The following PCYT1B variants were observed in gnomAD, a reference collection of about 807,000 sequenced individuals.
The protein encoded by PCYT1B is choline-phosphate cytidylyltransferase B.
A neutral mutation model predicts 26.4 loss-of-function variants in PCYT1B; 10 were observed. The observed-to-expected ratio is 0.38, with a 90% CI of 0.23 to 0.64. PCYT1B has a LOEUF of 0.64. PCYT1B is among the 30% of genes least tolerant of loss of function. The pLI is 0.56. For synonymous variants in PCYT1B, 131 were observed against 108.4 expected (o/e 1.21, Z -1.29); for missense variants, 161 against 292.7 (o/e 0.55, Z 3.28).
rs116533442 is a variant in PCYT1B, at chrX:24,637,182, T to C, written c.117+9807A>G. Among the ~76,000 whole-genome samples the C allele has an allele frequency of 6.0e-3, 658 of 109,542 alleles. 7 individuals are homozygous for C. The highest frequency in any genetic ancestry group is 0.021 in the African/African-American group (640 of 29,936). ...AGCAGATATGACTGGGAGGGCTAAA[T>C]AAAGCATCTCTAAAAGTGCATCTAG... is the stretch of plus-strand genomic sequence containing the variant. On this transcript the variant is annotated intron_variant, in intron 1 of 7. Coordinates refer to ENST00000379144, the MANE Select transcript of PCYT1B (RefSeq NM_004845.5).
intron 3 of PCYT1B, among the ~76,000 whole-genome samples, chrX:24,597,128 C>CTT (rs770072722): frequency 4.9e-5 from 5 of 101,227 alleles, no homozygotes; most frequent in Admixed American, 1.1e-4. Context: ...TTTTTCTTTT[C>CTT]TTTTTTTTTT....
intron 1 of PCYT1B, among the ~76,000 whole-genome samples, chrX:24,627,323 A>T (rs1925914028): frequency 8.9e-6 from 1 of 111,772 alleles, no homozygotes; most frequent in Non-Finnish European, 1.9e-5. Flanking sequence ...GATGGGAGCC[A>T]TCAGAGCGTT....
intron 1 of PCYT1B, chrX:24,622,009 A>T (rs1192702488): frequency 1.7e-5 from 2 of 116,887 alleles, no homozygotes; most frequent in East Asian, 2.8e-4. Flanking sequence ...GGAAAGAAGG[A>T]GAAACAAAGA....
chrX:24,620,645 C>T (rs1925673760), intron 1 of PCYT1B, among the ~76,000 whole-genome samples: 1 of 112,308 alleles, frequency 8.9e-6, no homozygotes, highest in Non-Finnish European at 1.9e-5. Flanking sequence ...CACTTACTAG[C>T]CATGTACTTT....
At chrX:24,633,519 C>T (rs946584149) in intron 1 of PCYT1B, among the ~76,000 whole-genome samples, 1 of 110,290 alleles carries the variant, frequency 9.1e-6, no homozygotes, top group Non-Finnish European at 1.9e-5. Flanking sequence ...CTAAAAAATA[C>T]AAAAATTAGC....
chrX:24,619,331 AC>A (rs1238937375), intron 1 of PCYT1B, among the ~76,000 whole-genome samples: 3 of 111,927 alleles, frequency 2.7e-5, no homozygotes, highest in Non-Finnish European at 5.6e-5. Flanking sequence ...TATGCCAGGT[AC>A]TAGATGAGAT....
intron 1 of PCYT1B, among the ~76,000 whole-genome samples, chrX:24,655,530 C>A (rs1402026116): frequency 8.9e-6 from 1 of 112,216 alleles, no homozygotes; most frequent in African/African-American, 3.2e-5. Flanking sequence ...CGCCTGTAGT[C>A]CCAACAATTT....
intron 1 of PCYT1B, among the ~76,000 whole-genome samples, chrX:24,628,243 GTC>G (rs1299330797): frequency 9.0e-6 from 1 of 111,330 alleles, no homozygotes; most frequent in Non-Finnish European, 1.9e-5. Context: ...TTTAAGCTCC[GTC>G]TCTCCCTGCT....
Position 24,562,092 on chromosome X carries a change from T to G in PCYT1B, c.*201A>C. ...TTTGTGTAGGTTGTCCAGCTAGAAG[T>G]CTCTGCACCTCGCCCAACTCTTCAG... On this transcript the variant is annotated 3_prime_UTR_variant, in exon 8 of 8. Coordinates refer to ENST00000379144, the MANE Select transcript of PCYT1B (RefSeq NM_004845.5). 4 of 1,209,969 alleles carry G rather than the reference T, an allele frequency of 3.3e-6. No homozygotes were observed. The highest frequency in any genetic ancestry group is 4.5e-6 in the Non-Finnish European group (4 of 894,302).
intron 2 of PCYT1B, among the ~76,000 whole-genome samples, chrX:24,617,317 A>G (rs1602183377): frequency 9.4e-6 from 1 of 106,778 alleles, no homozygotes; most frequent in African/African-American, 3.4e-5. Context: ...ATCCATTATT[A>G]TTGTTAAGCA....
At chrX:24,591,940 AAATATAC>A (rs1251826420) in intron 3 of PCYT1B, among the ~76,000 whole-genome samples, 1 of 111,128 alleles carries the variant, frequency 9.0e-6, no homozygotes, top group Non-Finnish European at 1.9e-5. Flanking sequence ...AGCTATTTTG[AAATATAC>A]AATATTGTTA....
intron 7 of PCYT1B, among the ~76,000 whole-genome samples, chrX:24,564,702 C>G (rs1740546124): frequency 2.7e-5 from 3 of 111,348 alleles, no homozygotes; most frequent in Non-Finnish European, 5.7e-5. Context: ...CCACTGCAAT[C>G]AAGGCATAGG....
In PCYT1B at chrX:24,591,246, T is replaced by C. The variant is rs182225383; in HGVS notation, c.335-1072A>G. On this transcript the variant is annotated intron_variant, in intron 3 of 7. Coordinates refer to ENST00000379144, the MANE Select transcript of PCYT1B (RefSeq NM_004845.5). The stretch of plus-strand genomic sequence containing the variant: ...AAATACTATTCACTATCCTATCTTT[T>C]GGTTGGCCAAGGCAGCTTTCCTAAG... Among the ~76,000 whole-genome samples the C allele has an allele frequency of 3.6e-5, 4 of 111,554 alleles. No individual in the cohort carries two copies. In the Admixed American group the frequency reaches 3.8e-4, roughly 11 times the overall value.
At chrX:24,619,910 TC>T (rs1925646969) in intron 1 of PCYT1B, among the ~76,000 whole-genome samples, 1 of 111,691 alleles carries the variant, frequency 9.0e-6, no homozygotes, top group Admixed American at 9.5e-5. Flanking sequence ...AAAACCTCAC[TC>T]TCTCCAGACA....
Position 24,568,488 on chromosome X carries a change from G to C in PCYT1B, c.898-5983C>G, listed in dbSNP as rs141996815. 7.2e-3 allele frequency among the ~76,000 whole-genome samples: 800 copies of C among 111,488 alleles called. 21 individuals carry two copies. The highest frequency in any genetic ancestry group is 0.063 in the Admixed American group (665 of 10,493). ...GATCGCTTGAGCCTGGGAGTTCAAGGTTGCAGTGACCCATGATTGTGCCAC... is the reference window on the plus strand; with the variant it reads ...GATCGCTTGAGCCTGGGAGTTCAAGCTTGCAGTGACCCATGATTGTGCCAC... On this transcript the variant is annotated intron_variant, in intron 7 of 7. Transcript: ENST00000379144.
At chrX:24,637,491 A>AAAAAAATATATATAT in intron 1 of PCYT1B, among the ~76,000 whole-genome samples, 1 of 52,894 alleles carries the variant, frequency 1.9e-5, no homozygotes, top group African/African-American at 1.5e-4. Flanking sequence ...AAAAAAAAAA[A>AAAAAAATATATATAT]ATATATATAT....
chrX:24,661,837 T>C (rs1448493304), intron 1 of PCYT1B, among the ~76,000 whole-genome samples: 1 of 112,026 alleles, frequency 8.9e-6, no homozygotes, highest in African/African-American at 3.2e-5. Flanking sequence ...CTGGATGCTA[T>C]GAAGGAATTA....
At chrX:24,599,459 G>A (rs978775428) in intron 3 of PCYT1B, among the ~76,000 whole-genome samples, 2 of 111,737 alleles carry the variant, frequency 1.8e-5, no homozygotes, top group African/African-American at 6.5e-5. Context: ...TAAAATTGAT[G>A]TTAAACCCTG....
In PCYT1B at chrX:24,558,920, G is replaced by A. The variant is rs1415187066; in HGVS notation, c.*3373C>T. Reference sequence around the variant, plus strand: ...AGTGCTGAAATGAAGCAACCAGAGAGGCAGGGACCCCATATCCTGCATGGG... The same window carrying A: ...AGTGCTGAAATGAAGCAACCAGAGAAGCAGGGACCCCATATCCTGCATGGG... On this transcript the variant is annotated 3_prime_UTR_variant, in exon 8 of 8. Transcript: ENST00000379144. 9.0e-6 allele frequency: 1 copy of A among 111,053 alleles called. No individual in the cohort carries two copies. Among genetic ancestry groups the A allele is most frequent in the East Asian group, 2.8e-4 (1 of 3,542 alleles). The allele number at this position is 111,053 out of a possible 1,213,427, so 9.2% of individuals were successfully genotyped here.
Sources: allele counts gnomAD v4.1 joint callset (sites outside exome capture counted in the v4.1 genomes callset), GRCh38; gene constraint gnomAD v4.1.1; transcripts MANE v1.5; gene names NCBI Gene and HGNC (gene_info 2026-07-23, HGNC 2026-07-21).